The following CCDC7 variants were observed in gnomAD, a reference collection of about 807,000 sequenced individuals.
CCDC7 encodes the protein coiled-coil domain containing 7, also known as coiled-coil domain-containing protein 7.
Under a neutral mutation model 196.9 loss-of-function variants are expected in CCDC7, and 183 were observed. The observed-to-expected ratio is 0.93, with a 90% CI of 0.82 to 1.05. The LOEUF (loss-of-function observed/expected upper bound fraction) is 1.05, where lower values mean the gene tolerates loss of function less well. Ranked by LOEUF, CCDC7 falls within the 50% of genes least tolerant of loss-of-function variation. CCDC7 has a pLI of 0.00. For synonymous variants in CCDC7, 525 were observed against 484.6 expected (o/e 1.08, Z -1.10); for missense variants, 1,540 against 1,482.2 (o/e 1.04, Z -0.64).
At chr10:32,660,646 T>A (rs2071144694) in intron 20 of CCDC7, among the ~76,000 whole-genome samples, 1 of 151,780 alleles carries the variant, frequency 6.6e-6, no homozygotes, top group Non-Finnish European at 1.5e-5. Context: ...TACCCAGTAA[T>A]GGGATGGCTG....
In CCDC7 at chr10:32,590,102, T is replaced by C. The variant is rs897050951; in HGVS notation, c.1801+5798T>C. On this transcript the variant is annotated intron_variant, in intron 18 of 41. Coordinates refer to ENST00000639629, the Ensembl canonical transcript of CCDC7. ...AGGACTTATTCTTGCCATTTTGTTA[T>C]TGCTTTTCCAGTTGTTTTGTGGTCT... Among the ~76,000 whole-genome samples the C allele has an allele frequency of 5.3e-5, 8 of 152,176 alleles. No homozygotes were observed. In the South Asian group the frequency reaches 1.2e-3, roughly 24 times the overall value.
rs144413543 is a variant in CCDC7 at position 32,491,807 on chromosome 10, C to T, written c.797-115C>T. The T allele has an allele frequency of 1.3e-3, 1,312 of 978,502 alleles. 13 individuals carry two copies. The African/African-American group carries it at 0.021, about 15-fold the overall frequency. 60.6% of individuals were successfully genotyped at this position (978,502 alleles called of 1,614,324 possible). On this transcript the variant is annotated intron_variant, in intron 8 of 41. Coordinates refer to ENST00000639629, the Ensembl canonical transcript of CCDC7. ...TCTGTTAATAGTCATGTAGCCCATG[C>T]TAGCCCCTCTTTATGTTTGTTTAGC...
intron 5 of CCDC7, among the ~76,000 whole-genome samples, chr10:32,468,946 T>C (rs906816979): frequency 6.6e-6 from 1 of 152,252 alleles, no homozygotes; most frequent in Non-Finnish European, 1.5e-5. Context: ...TTAGAGAATA[T>C]GGTGAGCTAC....
intron 18 of CCDC7, among the ~76,000 whole-genome samples, chr10:32,603,105 C>T (rs557919965): frequency 6.6e-6 from 1 of 152,186 alleles, no homozygotes; most frequent in South Asian, 2.1e-4. Flanking sequence ...TTCATTCTCC[C>T]ACCCCTTCCC....
At chr10:32,822,226 T>C (rs1238087435) in intron 31 of CCDC7, among the ~76,000 whole-genome samples, 3 of 152,152 alleles carry the variant, frequency 2.0e-5, no homozygotes, top group Non-Finnish European at 4.4e-5. Flanking sequence ...AAAGAGAGTA[T>C]GTACAAATAT....
chr10:32,448,453 T>C (rs2032048540), upstream of CCDC7, among the ~76,000 whole-genome samples: 1 of 152,064 alleles, frequency 6.6e-6, no homozygotes, highest in Admixed American at 6.5e-5. Flanking sequence ...ACATCAACAA[T>C]TGTTATCTGC....
At chr10:32,473,697 G>A (rs918033792) in intron 7 of CCDC7, among the ~76,000 whole-genome samples, 9 of 152,152 alleles carry the variant, frequency 5.9e-5, no homozygotes, top group Non-Finnish European at 1.2e-4. Flanking sequence ...ACTAGATAAT[G>A]ATGGTACCAT....
Position 32,511,515 on chromosome 10 carries a change from C to G in CCDC7, c.873-6430C>G, listed in dbSNP as rs1237303719. ...TTTACTGGATGTTCCTTAGGATTAACTCCTTGGGTTGCCAAATAAACCCAA... is the reference window on the plus strand; with the variant it reads ...TTTACTGGATGTTCCTTAGGATTAAGTCCTTGGGTTGCCAAATAAACCCAA... On this transcript the variant is annotated intron_variant, in intron 9 of 41. Coordinates refer to ENST00000639629, the Ensembl canonical transcript of CCDC7. 6.2e-6 allele frequency: 10 copies of G among 1,603,190 alleles called. No individual in the cohort carries two copies. In the East Asian group the frequency reaches 2.2e-4, roughly 36 times the overall value.
At chr10:32,714,430 C>G (rs1433015954) in intron 25 of CCDC7, among the ~76,000 whole-genome samples, 2 of 152,184 alleles carry the variant, frequency 1.3e-5, no homozygotes, top group Non-Finnish European at 2.9e-5. Context: ...CCTTTGGGTG[C>G]CTACACCACC....
intron 31 of CCDC7, among the ~76,000 whole-genome samples, chr10:32,820,153 G>A (rs1403619419): frequency 3.3e-5 from 5 of 152,134 alleles, no homozygotes; most frequent in Admixed American, 1.3e-4. Context: ...AAAATCACAA[G>A]CATTCTTATA....
intron 16 of CCDC7, among the ~76,000 whole-genome samples, chr10:32,573,891 T>A (rs2057882643): frequency 6.6e-6 from 1 of 152,176 alleles, no homozygotes; most frequent in African/African-American, 2.4e-5. Flanking sequence ...AAATATATGG[T>A]CATTGCCCTC....
intron 32 of CCDC7, among the ~76,000 whole-genome samples, chr10:32,828,871 G>T (rs895683725): frequency 6.6e-6 from 1 of 152,174 alleles, no homozygotes; most frequent in Non-Finnish European, 1.5e-5. Flanking sequence ...TTTGTTTCTT[G>T]TTCCTGTGAC....
In CCDC7 at chr10:32,457,533, G is replaced by A. The variant is rs190766801; in HGVS notation, c.456+1199G>A. Among the ~76,000 whole-genome samples the A allele has an allele frequency of 1.9e-3, 282 of 152,198 alleles. 6 individuals carry two copies. The highest frequency in any genetic ancestry group is 0.015 in the Admixed American group (235 of 15,294). On this transcript the variant is annotated intron_variant, in intron 3 of 41. Transcript: ENST00000639629. ...CTTCAGTGTACTGATTTCCTTTCCT[G>A]TGGATATACACCCAGTAGTGGAATT... is the stretch of plus-strand genomic sequence containing the variant.
chr10:32,695,005 A>G lies in CCDC7; in HGVS notation c.2458+13A>G. 1 of 1,407,864 alleles carries G rather than the reference A, an allele frequency of 7.1e-7. No homozygotes were observed. Among genetic ancestry groups the G allele is most frequent in the East Asian group, 2.5e-5 (1 of 40,366 alleles). The allele number at this position is 1,407,864 out of a possible 1,614,324, so 87.2% of individuals were successfully genotyped here. A position where few individuals can be genotyped will look rare whatever the true frequency, so the allele number is the denominator to read the frequency against. On this transcript the variant is annotated intron_variant, in intron 24 of 41. Transcript: ENST00000639629. Reference sequence around the variant, plus strand: ...AAAAGACATAGTAGTAAGTATAATAATTATAGATAACTTAAAAATTTTAAA... The same window carrying G: ...AAAAGACATAGTAGTAAGTATAATAGTTATAGATAACTTAAAAATTTTAAA...
chr10:32,635,650 C>A (rs1034986662), intron 20 of CCDC7, among the ~76,000 whole-genome samples: 29 of 151,824 alleles, frequency 1.9e-4, no homozygotes, highest in Admixed American at 1.8e-3. Flanking sequence ...AAACCCAAAA[C>A]AAACAAACAA....
chr10:32,492,062 A>G (rs1003080677), intron 9 of CCDC7, 65 bp downstream of exon 10: 2 of 1,440,100 alleles, frequency 1.4e-6, no homozygotes, highest in Non-Finnish European at 1.8e-6. Flanking sequence ...ATAAAATTGT[A>G]TTTTTCCATA....
chr10:32,544,719 A>G (rs2052125771), intron 13 of CCDC7, among the ~76,000 whole-genome samples: 1 of 152,218 alleles, frequency 6.6e-6, no homozygotes, highest in South Asian at 2.1e-4. Context: ...TAGCTACTCT[A>G]TTTGTCTTAA....
chr10:32,714,490 C>A (rs1229724308), intron 25 of CCDC7, among the ~76,000 whole-genome samples: 1 of 152,182 alleles, frequency 6.6e-6, no homozygotes, highest in African/African-American at 2.4e-5. Context: ...GGGCAGACAC[C>A]AAGCTAGTTG....
intron 29 of CCDC7, among the ~76,000 whole-genome samples, chr10:32,798,901 TGATCATAGG>T (rs2084194011): frequency 6.6e-6 from 1 of 152,114 alleles, no homozygotes; most frequent in Non-Finnish European, 1.5e-5. Context: ...CTCTGTCCAC[TGATCATAGG>T]GAACTCCCCA....
Sources: allele counts gnomAD v4.1 joint callset (sites outside exome capture counted in the v4.1 genomes callset), GRCh38; gene constraint gnomAD v4.1.1; transcripts MANE v1.5; gene names NCBI Gene and HGNC (gene_info 2026-07-23, HGNC 2026-07-21).